TFRC: variants seen among roughly 807,000 people sequenced by gnomAD.
The protein encoded by TFRC is transferrin receptor.
Under a neutral mutation model 85.8 loss-of-function variants are expected in TFRC, and 35 were observed. The ratio of observed to expected loss-of-function variants is 0.41; its 90% confidence interval spans 0.31 to 0.54. The LOEUF is 0.54. Ranked by LOEUF, TFRC falls within the 20% of genes least tolerant of loss-of-function variation. The pLI is 0.31. For synonymous variants in TFRC, 362 were observed against 328.6 expected (o/e 1.10, Z -1.10); for missense variants, 828 against 921.5 (o/e 0.90, Z 1.31).
intron 2 of TFRC, among the ~76,000 whole-genome samples, chr3:196,076,427 A>G (rs1577254782): frequency 6.7e-6 from 1 of 149,260 alleles, no homozygotes; most frequent in Non-Finnish European, 1.5e-5. Context: ...GTGAGCCACC[A>G]CACTTGGCCT....
chr3:196,058,787 C>CT, intron 14 of TFRC, 155 bp from the exon 15 acceptor site: 1 of 450,094 alleles, frequency 2.2e-6, no homozygotes, highest in Non-Finnish European at 3.9e-6. Flanking sequence ...ACAATCTCAA[C>CT]TTTAAGTTAT....
rs1220551962 is a variant in TFRC, at chr3:196,050,349, A to G, written c.*1593T>C. The stretch of plus-strand genomic sequence containing the variant: ...GGTTGAATTTACCCACCCAATGCTT[A>G]ATGACCACAAAATGTTTCTGCAACT... On this transcript the variant is annotated 3_prime_UTR_variant, in exon 19 of 19. Transcript: ENST00000360110. The G allele has an allele frequency of 1.4e-5, 3 of 217,162 alleles. No individual in the cohort carries two copies. The highest frequency in any genetic ancestry group is 2.2e-5 in the African/African-American group (1 of 44,454). 13.5% of individuals were successfully genotyped at this position (217,162 alleles called of 1,614,324 possible).
chr3:196,073,323 G>A (rs41301365), intron 4 of TFRC, among the ~76,000 whole-genome samples: 4,614 of 151,584 alleles, frequency 0.03, 231 homozygotes, highest in African/African-American at 0.11. Context: ...GCTGGGTGTG[G>A]TGCTGCGTGC....
Position 196,071,385 on chromosome 3 carries a change from G to GC in TFRC, c.687+10dup, listed in dbSNP as rs771744026. ...AGGGAAGAGTCTCATGCACTGTTTT[G>GC]CTTTACTTACAGTAACTGTTGCAGC... On this transcript the variant is annotated intron_variant, in intron 6 of 18. Transcript: ENST00000360110. 6.2e-7 allele frequency: 1 copy of GC among 1,606,412 alleles called. No individual in the cohort carries two copies. Among genetic ancestry groups the GC allele is most frequent in the South Asian group, 1.1e-5 (1 of 90,900 alleles).
chr3:196,065,064 T>C (rs1436143056), intron 10 of TFRC, among the ~76,000 whole-genome samples: 1 of 151,922 alleles, frequency 6.6e-6, no homozygotes, highest in Non-Finnish European at 1.5e-5. Context: ...TCTGACCTCA[T>C]GGAGCCTGAC....
In TFRC at chr3:196,065,645, C is replaced by G; in HGVS notation, c.1041-45G>C. 2.6e-6 allele frequency: 4 copies of G among 1,556,566 alleles called. No individual in the cohort carries two copies. In the South Asian group the frequency reaches 3.6e-5, roughly 14 times the overall value. On this transcript the variant is annotated intron_variant, in intron 9 of 18. Transcript: ENST00000360110. ...GTAAGTTCTGAGTTATTGTTCCTTG[C>G]CCAGGGTTTACTCCTGTCCAGTGAA...
At chr3:196,079,037 T>C (rs1244758367) in intron 1 of TFRC, among the ~76,000 whole-genome samples, 1 of 152,122 alleles carries the variant, frequency 6.6e-6, no homozygotes, top group African/African-American at 2.4e-5. Context: ...CCTCCCAAAG[T>C]GCTAAGATTA....
chr3:196,049,670 T>G lies in TFRC; in HGVS notation c.*2272A>C, dbSNP rs954766025. ...ACTGCTGCAAAATGCATGCCCTGTA[T>G]TCATATTGTGTTATACGATGAACAT... On this transcript the variant is annotated 3_prime_UTR_variant, in exon 19 of 19. Coordinates refer to ENST00000360110, the MANE Select transcript of TFRC (RefSeq NM_001128148.3). 4.4e-6 allele frequency: 1 copy of G among 229,036 alleles called. No homozygotes were observed. The highest frequency in any genetic ancestry group is 1.8e-4 in the South Asian group (1 of 5,510). 14.2% of individuals were successfully genotyped at this position (229,036 alleles called of 1,614,324 possible).
intron 5 of TFRC, 112 bp downstream of exon 5, chr3:196,071,891 G>C (rs41301373): frequency 3.3e-6 from 4 of 1,196,812 alleles, no homozygotes; most frequent in Middle Eastern, 2.9e-4. Flanking sequence ...GCAACAGAGC[G>C]AGACTCCATT....
At chr3:196,052,232 T>C (rs1244636244) in intron 18 of TFRC, 48 bp from the exon 19 acceptor site, 2 of 1,583,694 alleles carry the variant, frequency 1.3e-6, no homozygotes, top group Non-Finnish European at 1.7e-6. Flanking sequence ...GTGACTTTTG[T>C]AGTAAAACAA....
chr3:196,057,995 A>C (rs1009157850), intron 16 of TFRC: 4 of 253,128 alleles, frequency 1.6e-5, no homozygotes, highest in African/African-American at 9.0e-5. Flanking sequence ...GGCCACTGCA[A>C]CCTTGCACCA....
chr3:196,065,383 T>G, intron 10 of TFRC, 60 bp downstream of exon 10: 1 of 1,008,418 alleles, frequency 9.9e-7, no homozygotes, highest in Non-Finnish European at 1.3e-6. Context: ...GCCACATCCT[T>G]AGGAACAGAA....
intron 10 of TFRC, 21 bp downstream of exon 10, chr3:196,065,422 G>GGGC: frequency 2.0e-6 from 1 of 501,658 alleles, no homozygotes; most frequent in Non-Finnish European, 2.7e-6. Context: ...CGGGGCGGGG[G>GGGC]GGGGGGGGGG....
intron 11 of TFRC, 65 bp from the exon 12 acceptor site, chr3:196,063,004 C>G (rs759734596): frequency 7.4e-7 from 1 of 1,352,348 alleles, no homozygotes; most frequent in Non-Finnish European, 1.1e-6. Flanking sequence ...TGGAAGGTAT[C>G]CCACTTAAGA....
At chr3:196,074,278 C>T in intron 3 of TFRC, 153 bp from the exon 4 acceptor site, 1 of 586,024 alleles carries the variant, frequency 1.7e-6, no homozygotes, top group Non-Finnish European at 2.9e-6. Flanking sequence ...GTTTTGTATA[C>T]TTTAAACCAC....
Position 196,067,520 on chromosome 3 carries a change from A to G in TFRC, c.1038T>C (p.Phe346=), listed in dbSNP as rs201264476. 783 of 1,613,130 alleles carry G rather than the reference A, an allele frequency of 4.9e-4. No homozygotes were observed. The highest frequency in any genetic ancestry group is 6.3e-4 in the Non-Finnish European group (749 of 1,179,630). ...TISRAAAEKL[F]GNMEGDCPSD... ...ACCGCTTTCAAATAAAAACTTACCC[A>G]AACAGCTTTTCTGCAGCAGCTCTGG... The change falls in exon 9 of 19, where the codon TTT becomes TTC. Residue 346 remains phenylalanine, a splice_region_variant and synonymous_variant. Transcript: ENST00000360110.
intron 4 of TFRC, 133 bp from the exon 5 acceptor site, chr3:196,072,285 AC>A: frequency 8.3e-7 from 1 of 1,201,342 alleles, no homozygotes; most frequent in South Asian, 1.5e-5. Context: ...GTGACCCAAA[AC>A]TTCTAGACTG....
intron 16 of TFRC, 62 bp from the exon 17 acceptor site, chr3:196,055,363 T>C (rs1310583448): frequency 2.1e-6 from 3 of 1,432,660 alleles, no homozygotes; most frequent in Admixed American, 1.7e-5. Flanking sequence ...CCTCACATTC[T>C]GGCTTCGCCA....
rs781194805 is a variant in TFRC at position 196,069,736 on chromosome 3, T to C, written c.688-168A>G. 5.2e-5 allele frequency: 27 copies of C among 523,996 alleles called. No homozygotes were observed. In the Admixed American group the frequency reaches 8.7e-4, roughly 17 times the overall value. The allele number at this position is 523,996 out of a possible 1,614,324, so 32.5% of individuals were successfully genotyped here. A position where few individuals can be genotyped will look rare whatever the true frequency, so the allele number is the denominator to read the frequency against. On this transcript the variant is annotated intron_variant, in intron 6 of 18. Coordinates refer to ENST00000360110, the MANE Select transcript of TFRC (RefSeq NM_001128148.3). ...GAGTTCTAAAAAACTTTACAACTTT[T>C]AGGTCAGAGCTATTGGAATAAAATC...
Sources: allele counts gnomAD v4.1 joint callset (sites outside exome capture counted in the v4.1 genomes callset), GRCh38; gene constraint gnomAD v4.1.1; transcripts MANE v1.5; gene names NCBI Gene and HGNC (gene_info 2026-07-23, HGNC 2026-07-21).